Variants in NNT observed in about 807,000 individuals in gnomAD.
The protein encoded by NNT is NAD(P) transhydrogenase, mitochondrial.
In NNT, 50 loss-of-function variants were observed where a neutral mutation model predicts 104.8. The observed-to-expected ratio is 0.48, with a 90% CI of 0.38 to 0.60. The LOEUF (loss-of-function observed/expected upper bound fraction) is 0.60, where lower values mean the gene tolerates loss of function less well. NNT is among the 20% of genes least tolerant of loss of function. The pLI is 0.00. For missense variants in NNT, 1,131 were observed against 1,330.7 expected, an observed-to-expected ratio of 0.85 and a Z score of 2.33; for synonymous variants, 461 against 490.4, an observed-to-expected ratio of 0.94 and a Z score of 0.79.
chr5:43,641,292 T>C (rs1751219365), intron 7 of NNT, among the ~76,000 whole-genome samples: 1 of 152,134 alleles, frequency 6.6e-6, no homozygotes, highest in Non-Finnish European at 1.5e-5. Flanking sequence ...GGCTTTATTT[T>C]TTTCCCTTCT....
rs368502379 is a variant in NNT at position 43,704,999 on chromosome 5, A to G, written c.*595A>G. ...CATTTTCTCACTACTATTTTAATAC[A>G]TTAAAGGACTAAATAATCTTTCAGA... is the stretch of plus-strand genomic sequence containing the variant. On this transcript the variant is annotated 3_prime_UTR_variant, in exon 22 of 22. Coordinates refer to ENST00000344920, the MANE Select transcript of NNT (RefSeq NM_182977.3). 3 of 152,232 alleles carry G rather than the reference A, an allele frequency of 2.0e-5. No individual in the cohort carries two copies. The highest frequency in any genetic ancestry group is 2.1e-4 in the South Asian group (1 of 4,842). 9.4% of individuals were successfully genotyped at this position (152,232 alleles called of 1,614,324 possible).
intron 16 of NNT, 114 bp downstream of exon 16, chr5:43,656,927 T>G: frequency 3.8e-6 from 4 of 1,039,058 alleles, no homozygotes. Context: ...AATAAAAATG[T>G]TTTAAAATTA....
At chr5:43,697,955 C>G (rs1180653284) in intron 19 of NNT, among the ~76,000 whole-genome samples, 2 of 152,024 alleles carry the variant, frequency 1.3e-5, no homozygotes, top group African/African-American at 4.8e-5. Flanking sequence ...GGGACACAGC[C>G]AAACCATATC....
intron 5 of NNT, among the ~76,000 whole-genome samples, chr5:43,620,717 AC>A (rs1750042089): frequency 6.6e-6 from 1 of 152,246 alleles, no homozygotes; most frequent in Non-Finnish European, 1.5e-5. Context: ...AGCAAACAAC[AC>A]AGACGTGAGA....
At chr5:43,670,610 C>T (rs1298119792) in intron 17 of NNT, among the ~76,000 whole-genome samples, 2 of 152,204 alleles carry the variant, frequency 1.3e-5, no homozygotes, top group Non-Finnish European at 2.9e-5. Flanking sequence ...GTTTCTTAAT[C>T]CTGAGTTCTA....
rs1202253335 is a variant in NNT at position 43,628,194 on chromosome 5, C to T, written c.777-6C>T. 4 of 1,602,336 alleles carry T rather than the reference C, an allele frequency of 2.5e-6. No homozygotes were observed. Among genetic ancestry groups the T allele is most frequent in the Admixed American group, 1.7e-5 (1 of 58,174 alleles). ...ACTACTCTTTCCACTTTAACAATCA[C>T]CCTAGAGCTGCAGCTTTGGAACAGT... On this transcript the variant is annotated splice_polypyrimidine_tract_variant and splice_region_variant and intron_variant, in intron 6 of 21. Transcript: ENST00000344920.
chr5:43,659,372 A>C, intron 17 of NNT, 22 bp downstream of exon 17: 2 of 1,566,702 alleles, frequency 1.3e-6, no homozygotes, highest in Non-Finnish European at 1.7e-6. Context: ...CACATACATG[A>C]AACAAAAGGA....
chr5:43,662,787 G>C (rs1740439732), intron 17 of NNT, among the ~76,000 whole-genome samples: 1 of 152,028 alleles, frequency 6.6e-6, no homozygotes, highest in Non-Finnish European at 1.5e-5. Context: ...CAGCTACTTG[G>C]GGGGCTGAGG....
chr5:43,649,660 A>G (rs1185178532), intron 11 of NNT, among the ~76,000 whole-genome samples: 5 of 151,772 alleles, frequency 3.3e-5, no homozygotes, highest in Non-Finnish European at 5.9e-5. Flanking sequence ...GCAACATCCT[A>G]TAGGGCTCTC....
At chr5:43,674,550 G>T (rs1453638655) in intron 17 of NNT, among the ~76,000 whole-genome samples, 2 of 152,164 alleles carry the variant, frequency 1.3e-5, no homozygotes, top group African/African-American at 4.8e-5. Context: ...TTAAAATAGA[G>T]TTCAGTAAGT....
intron 5 of NNT, 86 bp from the exon 6 acceptor site, chr5:43,623,946 A>G: frequency 1.6e-6 from 2 of 1,250,310 alleles, no homozygotes; most frequent in Middle Eastern, 1.9e-4. Flanking sequence ...TGCTAAACTT[A>G]TACTAGGCAC....
chr5:43,664,230 T>C (rs908436431), intron 17 of NNT, among the ~76,000 whole-genome samples: 1 of 152,224 alleles, frequency 6.6e-6, no homozygotes, highest in African/African-American at 2.4e-5. Context: ...ATATAGACAT[T>C]AACCTCTTTA....
At chr5:43,677,000 G>A (rs1317255783) in intron 18 of NNT, among the ~76,000 whole-genome samples, 1 of 152,000 alleles carries the variant, frequency 6.6e-6, no homozygotes, top group Non-Finnish European at 1.5e-5. Flanking sequence ...CAGAAAGGAG[G>A]GTGAAGATGA....
At chr5:43,671,474 G>T (rs1741084191) in intron 17 of NNT, among the ~76,000 whole-genome samples, 1 of 152,188 alleles carries the variant, frequency 6.6e-6, no homozygotes, top group Non-Finnish European at 1.5e-5. Flanking sequence ...TGTAAGGCAG[G>T]CCTGGCGGTG....
At chr5:43,649,423 G>T (rs1322244301) in intron 11 of NNT, 115 bp downstream of exon 11, 17 of 1,220,206 alleles carry the variant, frequency 1.4e-5, no homozygotes, top group Non-Finnish European at 1.9e-5. Flanking sequence ...CTTGGCATCT[G>T]AGTCATCTGC....
intron 6 of NNT, among the ~76,000 whole-genome samples, chr5:43,627,745 C>T (rs1184118480): frequency 6.6e-6 from 1 of 152,056 alleles, no homozygotes; most frequent in African/African-American, 2.4e-5. Context: ...GTAAAAATCA[C>T]TTTATTAGAA....
At chr5:43,651,502 T>C (rs563822611) in intron 12 of NNT, among the ~76,000 whole-genome samples, 1 of 152,006 alleles carries the variant, frequency 6.6e-6, no homozygotes, top group African/African-American at 2.4e-5. Context: ...AGCTTGAACC[T>C]GGGAGGCGGA....
chr5:43,647,430 G>T (rs1225543568), intron 10 of NNT, among the ~76,000 whole-genome samples: 1 of 152,126 alleles, frequency 6.6e-6, no homozygotes, highest in Admixed American at 6.5e-5. Context: ...AGGGCATATT[G>T]CTTCTTAATA....
intron 20 of NNT, among the ~76,000 whole-genome samples, chr5:43,701,851 T>G (rs2112256486): frequency 6.6e-6 from 1 of 152,300 alleles, no homozygotes; most frequent in Admixed American, 6.5e-5. Flanking sequence ...CATTTCTTCA[T>G]GTTTGTTGAC....
Sources: allele counts gnomAD v4.1 joint callset (sites outside exome capture counted in the v4.1 genomes callset), GRCh38; gene constraint gnomAD v4.1.1; transcripts MANE v1.5; gene names NCBI Gene and HGNC (gene_info 2026-07-23, HGNC 2026-07-21).